Variants in ABHD18 observed in about 807,000 individuals in gnomAD.
ABHD18 encodes cardiolipin-specific deacylase, mitochondrial.
ABHD18 carries 55 observed loss-of-function variants against 65.9 expected under a neutral mutation model. The ratio of observed to expected loss-of-function variants is 0.84; its 90% CI spans 0.67 to 1.05. ABHD18 has a LOEUF of 1.05. ABHD18 is among the 50% of genes least tolerant of loss of function. The probability of loss-of-function intolerance (pLI) is 0.00; values close to 1 mark genes in which losing one functional copy is unlikely to be tolerated. For synonymous variants in ABHD18, 181 were observed against 180.2 expected (o/e 1.00, Z -0.04); for missense variants, 533 against 558.5 (o/e 0.95, Z 0.46).
At chr4:128,017,336 A>G (rs376195170) in intron 7 of ABHD18, 27 bp from the exon 8 acceptor site, 107 of 1,602,658 alleles carry the variant, frequency 6.7e-5, no homozygotes, top group Non-Finnish European at 8.5e-5. Context: ...TAAAATAATC[A>G]TTTTCTATTT....
intron 4 of ABHD18, among the ~76,000 whole-genome samples, chr4:127,996,016 C>T (rs1054051062): frequency 1.3e-5 from 2 of 152,152 alleles, no homozygotes; most frequent in East Asian, 3.8e-4. Context: ...TAACGGCTTC[C>T]CACTTCTGAA....
In ABHD18 at chr4:128,039,181, ATAT is replaced by A. The variant is rs1560962652; in HGVS notation, c.*3369_*3371del. On this transcript the variant is annotated 3_prime_UTR_variant, in exon 13 of 13. Coordinates refer to ENST00000645843, the MANE Select transcript of ABHD18 (RefSeq NM_001358451.3). ...TATATATATATATATATATATATAT[ATAT>A]AATCTCAAAGAAGTGCGGTCTGCCA... is the stretch of plus-strand genomic sequence containing the variant. The A allele has an allele frequency of 1.5e-5, 2 of 135,084 alleles. No homozygotes were observed. Among genetic ancestry groups the A allele is most frequent in the Non-Finnish European group, 3.2e-5 (2 of 63,296 alleles). 8.4% of individuals were successfully genotyped at this position (135,084 alleles called of 1,614,324 possible).
At chr4:127,988,450 T>A (rs2149083664) in intron 3 of ABHD18, among the ~76,000 whole-genome samples, 1 of 152,294 alleles carries the variant, frequency 6.6e-6, no homozygotes, top group South Asian at 2.1e-4. Context: ...CAGGCTGATC[T>A]TGAATTCCTG....
chr4:128,020,280 G>C, intron 9 of ABHD18, 111 bp downstream of exon 9: 1 of 730,760 alleles, frequency 1.4e-6, no homozygotes, highest in South Asian at 1.6e-5. Flanking sequence ...AGAATTATAG[G>C]ACTCAGGATA....
intron 1 of ABHD18, among the ~76,000 whole-genome samples, chr4:127,969,538 A>G (rs1202753638): frequency 6.6e-6 from 1 of 152,132 alleles, no homozygotes; most frequent in Non-Finnish European, 1.5e-5. Context: ...TAAATAATTT[A>G]GGCAAACAAT....
At chr4:128,006,662 A>C (rs1399773967) in intron 4 of ABHD18, among the ~76,000 whole-genome samples, 2 of 152,236 alleles carry the variant, frequency 1.3e-5, no homozygotes, top group Non-Finnish European at 2.9e-5. Context: ...GTAGTTCTAA[A>C]ATACGAACTG....
At chr4:127,979,017 G>A (rs1460748861) in intron 1 of ABHD18, among the ~76,000 whole-genome samples, 1 of 152,152 alleles carries the variant, frequency 6.6e-6, no homozygotes, top group East Asian at 1.9e-4. Context: ...TGGTAAGTAT[G>A]TAAGTCAAAC....
rs200871635 is a variant in ABHD18 at position 128,010,587 on chromosome 4, C to CA, written c.443-1077dup. ...AACTCTATGGTGTGGCACAGGTATG[C>CA]AAAAAAAAACTAAAAACAAAATCCA... On this transcript the variant is annotated intron_variant, in intron 6 of 12. Transcript: ENST00000645843. Among the ~76,000 whole-genome samples the CA allele has an allele frequency of 5.3e-3, 776 of 147,782 alleles. 19 individuals carry two copies. In the East Asian group the frequency reaches 0.067, roughly 13 times the overall value.
intron 1 of ABHD18, among the ~76,000 whole-genome samples, chr4:127,979,523 C>G (rs371405872): frequency 1.3e-5 from 2 of 152,248 alleles, no homozygotes; most frequent in South Asian, 4.1e-4. Flanking sequence ...CCACTGCACT[C>G]TAGCGTGGGC....
intron 7 of ABHD18, among the ~76,000 whole-genome samples, chr4:128,016,061 C>A (rs942137467): frequency 6.7e-6 from 1 of 149,438 alleles, no homozygotes; most frequent in Non-Finnish European, 1.5e-5. Context: ...TCAAGTGATT[C>A]TCCTGCCTCA....
In ABHD18 at chr4:128,036,576, C is replaced by G. The variant is rs1348090530; in HGVS notation, c.*763C>G. 1 of 152,020 alleles carries G rather than the reference C, an allele frequency of 6.6e-6. No homozygotes were observed. The highest frequency in any genetic ancestry group is 1.5e-5 in the Non-Finnish European group (1 of 68,050). 9.4% of individuals were successfully genotyped at this position (152,020 alleles called of 1,614,324 possible). A position where few individuals can be genotyped will look rare whatever the true frequency, so the allele number is the denominator to read the frequency against. On this transcript the variant is annotated 3_prime_UTR_variant, in exon 13 of 13. Transcript: ENST00000645843. ...AGAAACCCCCTCTCTACTACAAATA[C>G]AAAAAATTAGCCAAGCATGGTGGCG... is the stretch of plus-strand genomic sequence containing the variant.
intron 10 of ABHD18, among the ~76,000 whole-genome samples, chr4:128,027,850 T>C (rs1560931615): frequency 6.6e-6 from 1 of 150,926 alleles, no homozygotes; most frequent in African/African-American, 2.4e-5. Context: ...ACTTTGGCTA[T>C]AAAAAAAAAT....
At chr4:127,966,874 G>C (rs1309180105) in intron 1 of ABHD18, among the ~76,000 whole-genome samples, 2 of 144,400 alleles carry the variant, frequency 1.4e-5, no homozygotes, top group Non-Finnish European at 3.0e-5. Flanking sequence ...AACAGAGTGA[G>C]ATTCTGTCTC....
intron 2 of ABHD18, among the ~76,000 whole-genome samples, chr4:127,983,884 C>A (rs562876233): frequency 1.0e-3 from 154 of 151,274 alleles, no homozygotes; most frequent in African/African-American, 2.8e-3. Context: ...TAAAAAAATA[C>A]AAAAATTAGC....
chr4:128,017,820 A>G (rs1755774521), intron 8 of ABHD18, among the ~76,000 whole-genome samples: 1 of 152,196 alleles, frequency 6.6e-6, no homozygotes, highest in Non-Finnish European at 1.5e-5. Flanking sequence ...ATTGGAAAAT[A>G]CTTTCCATTT....
intron 4 of ABHD18, among the ~76,000 whole-genome samples, chr4:127,999,679 G>A (rs924435820): frequency 2.6e-5 from 4 of 152,008 alleles, no homozygotes; most frequent in Admixed American, 6.6e-5. Context: ...TATAGATTCC[G>A]GATATTAGAC....
chr4:128,014,716 C>T (rs1185847872), intron 7 of ABHD18, among the ~76,000 whole-genome samples: 1 of 151,772 alleles, frequency 6.6e-6, no homozygotes, highest in Non-Finnish European at 1.5e-5. Context: ...TTGCATGAGT[C>T]CAGGAGTTCA....
At chr4:127,991,822 G>A (rs959637603) in intron 4 of ABHD18, among the ~76,000 whole-genome samples, 1 of 152,146 alleles carries the variant, frequency 6.6e-6, no homozygotes, top group African/African-American at 2.4e-5. Flanking sequence ...CCTTTTAAGT[G>A]AACGTATTGG....
At chr4:128,026,581 A>G (rs1757399987) in intron 10 of ABHD18, among the ~76,000 whole-genome samples, 1 of 152,124 alleles carries the variant, frequency 6.6e-6, no homozygotes, top group African/African-American at 2.4e-5. Flanking sequence ...TTAATAAATT[A>G]AAGTGATTTG....
Sources: allele counts gnomAD v4.1 joint callset (sites outside exome capture counted in the v4.1 genomes callset), GRCh38; gene constraint gnomAD v4.1.1; transcripts MANE v1.5; gene names NCBI Gene and HGNC (gene_info 2026-07-23, HGNC 2026-07-21).